EPHA3: variants seen among roughly 807,000 people sequenced by gnomAD.
The protein encoded by EPHA3 is ephrin type-A receptor 3.
EPHA3 carries 42 observed loss-of-function variants against 107.1 expected under a neutral mutation model. That is an observed-to-expected ratio of 0.39 (90% CI 0.31 to 0.51). The LOEUF (loss-of-function observed/expected upper bound fraction) is 0.51. EPHA3 is among the 20% of genes least tolerant of loss of function. The probability of loss-of-function intolerance (pLI) is 0.78; values close to 1 mark genes in which losing one functional copy is unlikely to be tolerated. For synonymous variants in EPHA3, 461 were observed against 424.8 expected, an observed-to-expected ratio of 1.09 and a Z score of -1.05; for missense variants, 1,183 against 1,211.2, an observed-to-expected ratio of 0.98 and a Z score of 0.35.
intron 13 of EPHA3, among the ~76,000 whole-genome samples, chr3:89,448,065 A>T (rs759268221): frequency 6.6e-6 from 1 of 152,108 alleles, no homozygotes; most frequent in African/African-American, 2.4e-5. Context: ...CTTGAAATTG[A>T]GGTCACTTAA....
At chr3:89,149,027 C>T (rs866083086) in intron 2 of EPHA3, among the ~76,000 whole-genome samples, 2 of 151,918 alleles carry the variant, frequency 1.3e-5, no homozygotes, top group Middle Eastern at 3.4e-3. Flanking sequence ...TTGAAGCCAG[C>T]GCATACCAAT....
intron 3 of EPHA3, among the ~76,000 whole-genome samples, chr3:89,284,900 G>A (rs540721043): frequency 2.9e-4 from 44 of 152,286 alleles, no homozygotes; most frequent in African/African-American, 1.0e-3. Flanking sequence ...GCTGAGGAGG[G>A]TGGATCACTT....
intron 2 of EPHA3, among the ~76,000 whole-genome samples, chr3:89,146,609 G>A (rs1171928796): frequency 2.6e-5 from 4 of 151,992 alleles, no homozygotes; most frequent in Non-Finnish European, 5.9e-5. Flanking sequence ...TCACTCTGAT[G>A]ATAGTTTCTT....
intron 3 of EPHA3, among the ~76,000 whole-genome samples, chr3:89,267,013 T>G (rs943882873): frequency 7.9e-5 from 12 of 152,144 alleles, no homozygotes; most frequent in African/African-American, 2.9e-4. Context: ...TCTAATGTTT[T>G]CTACCACTTC....
At chr3:89,335,054 T>A (rs1707365177) in intron 3 of EPHA3, among the ~76,000 whole-genome samples, 1 of 152,168 alleles carries the variant, frequency 6.6e-6, no homozygotes, top group African/African-American at 2.4e-5. Flanking sequence ...GAAACTGATC[T>A]CCTTTTTAAA....
At chr3:89,123,300 T>C (rs1461242632) in intron 1 of EPHA3, among the ~76,000 whole-genome samples, 1 of 152,104 alleles carries the variant, frequency 6.6e-6, no homozygotes, top group African/African-American at 2.4e-5. Context: ...TGTGCTGCCA[T>C]GCCAGCTAAT....
At chr3:89,458,669 T>C (rs1385236757) in intron 15 of EPHA3, among the ~76,000 whole-genome samples, 1 of 152,194 alleles carries the variant, frequency 6.6e-6, no homozygotes, top group Non-Finnish European at 1.5e-5. Flanking sequence ...TCTCTGCATC[T>C]TCGCTGGCAT....
Position 89,341,795 on chromosome 3 carries a change from C to T in EPHA3, c.1011C>T (p.Asn337=), listed in dbSNP as rs201113556. 1.1e-5 allele frequency: 18 copies of T among 1,613,670 alleles called. No homozygotes were observed. Among genetic ancestry groups the T allele is most frequent in the South Asian group, 3.3e-5 (3 of 91,052 alleles). The part of the protein sequence containing the change: ...SSPRNVISNI[N]ETSVILDWSW... The stretch of plus-strand genomic sequence containing the variant: ...CAAGAAATGTTATCTCTAATATAAA[C>T]GAGACCTCAGTTATCCTGGACTGGA... Residue 337 remains asparagine, a synonymous_variant, in exon 5 of 17, where the codon AAC becomes AAT. Coordinates refer to ENST00000336596, the MANE Select transcript of EPHA3 (RefSeq NM_005233.6).
chr3:89,408,647 C>T (rs1183086975), intron 9 of EPHA3, among the ~76,000 whole-genome samples: 3 of 152,242 alleles, frequency 2.0e-5, no homozygotes, highest in African/African-American at 4.8e-5. Flanking sequence ...TTTCTCTCCA[C>T]ATTTTAATTT....
intron 3 of EPHA3, among the ~76,000 whole-genome samples, chr3:89,321,767 G>A (rs1707047984): frequency 6.6e-6 from 1 of 152,028 alleles, no homozygotes; most frequent in Admixed American, 6.6e-5. Flanking sequence ...CAGATTGAAT[G>A]TTGTATTACT....
At chr3:89,241,078 AGT>A (rs1243385948) in intron 3 of EPHA3, among the ~76,000 whole-genome samples, 1 of 151,950 alleles carries the variant, frequency 6.6e-6, no homozygotes, top group African/African-American at 2.4e-5. Context: ...TCCTAGAGAT[AGT>A]GTCACCAGCC....
chr3:89,252,404 A>G (rs1705184509), intron 3 of EPHA3, among the ~76,000 whole-genome samples: 2 of 152,328 alleles, frequency 1.3e-5, no homozygotes, highest in East Asian at 1.9e-4. Flanking sequence ...GTATAAAAAC[A>G]ATCCATATTC....
chr3:89,174,180 T>C (rs1705270967), intron 2 of EPHA3, among the ~76,000 whole-genome samples: 1 of 152,094 alleles, frequency 6.6e-6, no homozygotes, highest in Admixed American at 6.5e-5. Context: ...ATCTGTTTTC[T>C]GTTGGTGAAA....
intron 5 of EPHA3, among the ~76,000 whole-genome samples, chr3:89,351,373 C>T (rs1193726194): frequency 4.0e-5 from 6 of 150,710 alleles, no homozygotes; most frequent in Admixed American, 1.3e-4. Flanking sequence ...GGGAGTGACC[C>T]GATTTTCCAG....
chr3:89,195,591 C>T (rs546405855), intron 2 of EPHA3, among the ~76,000 whole-genome samples: 5 of 152,250 alleles, frequency 3.3e-5, no homozygotes, highest in East Asian at 1.9e-4. Flanking sequence ...AAATATCAAT[C>T]GTTTGTCAAG....
At chr3:89,358,207 G>GTTATGTTAT (rs1708008690) in intron 5 of EPHA3, among the ~76,000 whole-genome samples, 1 of 150,786 alleles carries the variant, frequency 6.6e-6, no homozygotes, top group Non-Finnish European at 1.5e-5. Context: ...GTTAAATAAG[G>GTTATGTTAT]GTTATGGCTA....
At chr3:89,255,595 T>A (rs2107270367) in intron 3 of EPHA3, among the ~76,000 whole-genome samples, 1 of 152,128 alleles carries the variant, frequency 6.6e-6, no homozygotes, top group Non-Finnish European at 1.5e-5. Context: ...TGTCCAACCC[T>A]GCCCAAATAA....
intron 13 of EPHA3, among the ~76,000 whole-genome samples, chr3:89,443,415 A>G (rs1048138364): frequency 6.6e-6 from 1 of 152,214 alleles, no homozygotes; most frequent in African/African-American, 2.4e-5. Flanking sequence ...ATGTAACAAC[A>G]CTATTAAATA....
At chr3:89,171,635 C>T (rs769608486) in intron 2 of EPHA3, among the ~76,000 whole-genome samples, 1 of 152,128 alleles carries the variant, frequency 6.6e-6, no homozygotes, top group Non-Finnish European at 1.5e-5. Flanking sequence ...TTCTTAATTG[C>T]TTTAGGGTAC....
Sources: allele counts gnomAD v4.1 joint callset (sites outside exome capture counted in the v4.1 genomes callset), GRCh38; gene constraint gnomAD v4.1.1; transcripts MANE v1.5; gene names NCBI Gene and HGNC (gene_info 2026-07-23, HGNC 2026-07-21).